The following SLC6A13 variants were observed in gnomAD, a reference collection of about 807,000 sequenced individuals.
The protein encoded by SLC6A13 is sodium- and chloride-dependent GABA transporter 2.
In SLC6A13, 69 loss-of-function variants were observed where a neutral mutation model predicts 72.9. The ratio of observed to expected loss-of-function variants is 0.95; its 90% confidence interval spans 0.78 to 1.16. The LOEUF is 1.16. SLC6A13 is among the 50% of genes most tolerant of loss of function. SLC6A13 has a pLI of 0.00. For synonymous variants in SLC6A13, 303 were observed against 303.0 expected, an observed-to-expected ratio of 1.00 and a Z score of 0.00; for missense variants, 735 against 760.5, an observed-to-expected ratio of 0.97 and a Z score of 0.39.
Position 225,658 on chromosome 12 carries a change from T to TA in SLC6A13, c.1060+731dup, listed in dbSNP as rs11309524. On this transcript the variant is annotated intron_variant, in intron 9 of 14. Transcript: ENST00000343164. ...GAGCAAGACTCTATCTCAAACAGTT[T>TA]AAAAAAAAAAAAAAAAAGAGGGAGA... 1.9e-3 allele frequency among the ~76,000 whole-genome samples: 260 copies of TA among 140,198 alleles called. 1 individual carries two copies. Among genetic ancestry groups the TA allele is most frequent in the South Asian group, 0.015 (65 of 4,292 alleles). The allele number at this position is 140,198 out of a possible 152,430, so 92.0% of individuals were successfully genotyped here. A position where few individuals can be genotyped will look rare whatever the true frequency, so the allele number is the denominator to read the frequency against.
intron 7 of SLC6A13, among the ~76,000 whole-genome samples, chr12:231,550 A>G (rs1364772703): frequency 6.6e-6 from 1 of 152,156 alleles, no homozygotes; most frequent in Non-Finnish European, 1.5e-5. Context: ...TGGACCAGGC[A>G]GAGAAGAAGG....
At position 226,427 on chromosome 12, in the gene SLC6A13, C is replaced by T. The variant is rs202216220; in HGVS notation, c.1023G>A (p.Gln341=). 226 of 1,614,128 alleles carry T rather than the reference C, an allele frequency of 1.4e-4. No homozygotes were observed. Among genetic ancestry groups the T allele is most frequent in the Non-Finnish European group, 1.8e-4 (207 of 1,179,956 alleles). The change falls in exon 9 of 15, where the codon CAG becomes CAA. Residue 341 remains glutamine (Q), a synonymous_variant. Transcript: ENST00000343164. ...CCTCAGAAATGGGCACCCCCTGCTC[C>T]TGAGACATGAAGCCCAGGATGGAGA... The part of the protein sequence containing the change: ...AIFSILGFMS[Q]EQGVPISEVA...
At chr12:235,828 C>A (rs886074784) in intron 6 of SLC6A13, among the ~76,000 whole-genome samples, 1 of 152,172 alleles carries the variant, frequency 6.6e-6, no homozygotes, top group African/African-American at 2.4e-5. Context: ...AATATTAATA[C>A]CCTGGGAAAG....
chr12:239,598 G>T (rs1408499512), intron 4 of SLC6A13, among the ~76,000 whole-genome samples: 1 of 152,210 alleles, frequency 6.6e-6, no homozygotes, highest in Admixed American at 6.5e-5. Context: ...ATGTGCTGCT[G>T]CTTTCTAAGC....
chr12:236,953 C>T lies in SLC6A13; in HGVS notation c.696+205G>A, dbSNP rs980572452. The T allele has an allele frequency of 1.5e-5, 8 of 534,250 alleles. No homozygotes were observed. In the African/African-American group the frequency reaches 1.5e-4, roughly 10 times the overall value. The allele number at this position is 534,250 out of a possible 1,614,324, so 33.1% of individuals were successfully genotyped here. ...ATTACCCTGGAGGTGTCCTTCCTGC[C>T]TTTCTCGCTCTCTTCCAGTCCCAAA... On this transcript the variant is annotated intron_variant, in intron 6 of 14. Coordinates refer to ENST00000343164, the MANE Select transcript of SLC6A13 (RefSeq NM_016615.5).
chr12:244,730 T>A (rs1207214632), intron 2 of SLC6A13, among the ~76,000 whole-genome samples: 1 of 152,248 alleles, frequency 6.6e-6, no homozygotes, highest in East Asian at 1.9e-4. Flanking sequence ...GTCTTTTATA[T>A]GAATATTCTC....
In SLC6A13 at chr12:224,188, G is replaced by A. The variant is rs1941341853; in HGVS notation, c.1174-59C>T. The A allele has an allele frequency of 2.5e-6, 4 of 1,602,998 alleles. No individual in the cohort carries two copies. In the African/African-American group the frequency reaches 4.0e-5, roughly 16 times the overall value. The stretch of plus-strand genomic sequence containing the variant: ...AGAGCTCCCGAGATGCCCTGTCCAT[G>A]AGCGCTGGCTTCTCGCTCCCAGGAT... On this transcript the variant is annotated intron_variant, in intron 10 of 14. Transcript: ENST00000343164.
chr12:224,652 G>A (rs187350512), intron 9 of SLC6A13, 139 bp from the exon 10 acceptor site: 65 of 652,662 alleles, frequency 1.0e-4, no homozygotes, highest in Non-Finnish European at 1.5e-4. Flanking sequence ...TCACCACCAC[G>A]TCCTCACCTA....
Position 235,217 on chromosome 12 carries a change from T to G in SLC6A13, c.704A>C (p.Tyr235Ser). The G allele has an allele frequency of 6.2e-7, 1 of 1,614,160 alleles. No individual in the cohort carries two copies. Among genetic ancestry groups the G allele is most frequent in the Non-Finnish European group, 8.5e-7 (1 of 1,179,998 alleles). ...KGVKSTGKVV[Y>S]FTATFPYLML... ...GAGGTAAGGAAATGTGGCCGTGAAG[T>G]ACACCACCTGGTCATGGGCAAATGA... is the stretch of plus-strand genomic sequence containing the variant. The change falls in exon 7 of 15, where the codon TAC (tyrosine) becomes TCC (serine). Residue 235 changes from tyrosine to serine, a missense_variant. Coordinates refer to ENST00000343164, the MANE Select transcript of SLC6A13 (RefSeq NM_016615.5).
At chr12:253,140 T>A (rs1051527220) in intron 2 of SLC6A13, among the ~76,000 whole-genome samples, 2 of 152,218 alleles carry the variant, frequency 1.3e-5, no homozygotes, top group African/African-American at 4.8e-5. Context: ...TGTGCTGGCA[T>A]TTTCTCCGTG....
chr12:261,912 C>T (rs181059594), intron 1 of SLC6A13, among the ~76,000 whole-genome samples: 1 of 148,830 alleles, frequency 6.7e-6, no homozygotes, highest in East Asian at 2.0e-4. Flanking sequence ...GGCAACAAAG[C>T]GAGACTCTGT....
Position 235,091 on chromosome 12 carries a change from T to C in SLC6A13, c.830A>G (p.Gln277Arg). The C allele has an allele frequency of 4.3e-6, 7 of 1,614,200 alleles. No individual in the cohort carries two copies. Among genetic ancestry groups the C allele is most frequent in the Non-Finnish European group, 5.9e-6 (7 of 1,180,020 alleles). The change falls in exon 7 of 15, where the codon CAG becomes CGG. Residue 277 changes from glutamine to arginine, a missense_variant and splice_region_variant. Gln to Arg is a conservative substitution (Grantham distance 43, BLOSUM62 1). Coordinates refer to ENST00000343164, the MANE Select transcript of SLC6A13 (RefSeq NM_016615.5). ...YPNLTRLWDP[Q>R]VWMDAGTQIF... ...GGGCTCCTGTCTGTGGCTTCTTACC[T>C]GGGGATCCCACAGACGCGTGAGGTT...
At chr12:258,872 A>AGCCTATACTAGAAGGGGCTGG in intron 2 of SLC6A13, 9 of 966,718 alleles carry the variant, frequency 9.3e-6, no homozygotes, top group Non-Finnish European at 1.1e-5. Flanking sequence ...TTAAAAAGAG[A>AGCCTATACTAGAAGGGGCTGG]GCCTATACTA....
Position 238,198 on chromosome 12 carries a change from G to A in SLC6A13, c.479-188C>T, listed in dbSNP as rs114591245. 466 of 1,528,556 alleles carry A rather than the reference G, an allele frequency of 3.0e-4. 1 individual carries two copies. In the African/African-American group the frequency reaches 3.9e-3, roughly 13 times the overall value. 94.7% of individuals were successfully genotyped at this position (1,528,556 alleles called of 1,614,324 possible). A position where few individuals can be genotyped will look rare whatever the true frequency, so the allele number is the denominator to read the frequency against. On this transcript the variant is annotated intron_variant, in intron 4 of 14. Transcript: ENST00000343164. The stretch of plus-strand genomic sequence containing the variant: ...CAACAAATGCAGCTCACTCTCTCCC[G>A]CACACTTGGACATGTGGGTACATAG...
chr12:256,036 C>T (rs1254905782), intron 2 of SLC6A13, among the ~76,000 whole-genome samples: 2 of 152,126 alleles, frequency 1.3e-5, no homozygotes, highest in African/African-American at 4.8e-5. Flanking sequence ...AATGACCACC[C>T]TTTTAAAAAT....
chr12:258,825 C>G lies in SLC6A13; in HGVS notation c.202+1026G>C, dbSNP rs553282063. 8.0e-4 allele frequency among the ~76,000 whole-genome samples: 122 copies of G among 152,288 alleles called. 1 individual carries two copies. Among genetic ancestry groups the G allele is most frequent in the Non-Finnish European group, 1.4e-3 (98 of 68,020 alleles). On this transcript the variant is annotated intron_variant, in intron 2 of 14. Coordinates refer to ENST00000343164, the MANE Select transcript of SLC6A13 (RefSeq NM_016615.5). ...ACAGTAAAGAGCTGGAGGTCATGCT[C>G]CCCCTACAACATGCACACATTTGTG... is the stretch of plus-strand genomic sequence containing the variant.
intron 2 of SLC6A13, 46 bp downstream of exon 2, chr12:259,805 C>A (rs779522212): frequency 2.0e-5 from 32 of 1,614,092 alleles, no homozygotes; most frequent in Non-Finnish European, 2.6e-5. Context: ...ATGGAAGTAT[C>A]CTCCTTCCAG....
chr12:223,060 G>C, intron 12 of SLC6A13, 72 bp downstream of exon 12: 2 of 934,748 alleles, frequency 2.1e-6, no homozygotes, highest in South Asian at 2.9e-5. Flanking sequence ...GTAGATGTCT[G>C]TTTCGTGTCT....
intron 4 of SLC6A13, among the ~76,000 whole-genome samples, chr12:239,447 T>A (rs969397382): frequency 1.3e-5 from 2 of 152,180 alleles, no homozygotes; most frequent in Non-Finnish European, 2.9e-5. Context: ...CAATGACTCG[T>A]TCCCCCTCCT....
Sources: gnomAD v4.1 joint callset for allele counts (sites outside exome capture counted in the v4.1 genomes callset) on GRCh38, gnomAD v4.1.1 for gene constraint, MANE v1.5 for transcripts, NCBI Gene and HGNC (gene_info 2026-07-23, HGNC 2026-07-21) for gene names.